PARVA: variants seen among roughly 807,000 people sequenced by gnomAD.
PARVA encodes the protein parvin alpha.
Under a neutral mutation model 52.6 loss-of-function variants are expected in PARVA, and 25 were observed. The observed-to-expected ratio is 0.48, with a 90% CI of 0.35 to 0.66. The LOEUF (loss-of-function observed/expected upper bound fraction) is 0.66. PARVA is among the 30% of genes least tolerant of loss of function. The pLI is 0.01. For missense variants in PARVA, 373 were observed against 450.9 expected (o/e 0.83, Z 1.56); for synonymous variants, 185 against 179.1 (o/e 1.03, Z -0.26).
Position 12,508,638 on chromosome 11 carries a change from A to C in PARVA, c.712A>C (p.Thr238Pro). 1 of 1,605,004 alleles carries C rather than the reference A, an allele frequency of 6.2e-7. No individual in the cohort carries two copies. The highest frequency in any genetic ancestry group is 8.5e-7 in the Non-Finnish European group (1 of 1,174,212). The change falls in exon 7 of 13, where the codon ACA becomes CCA. Residue 238 changes from threonine to proline, a missense_variant. Physicochemically the swap from Thr to Pro is conservative, Grantham distance 38. Transcript: ENST00000334956. Reference protein sequence around the residue: ...RQIQEEITGNTEALSGRHERD... With the variant: ...RQIQEEITGNPEALSGRHERD... ...AATCCAAGAGGAAATAACTGGTAAC[A>C]CAGAGTATGTCAACACCATTGTTGC...
In PARVA at chr11:12,518,746, G is replaced by T. The variant is rs78384353; in HGVS notation, c.1042+229G>T. 6.9e-3 allele frequency among the ~76,000 whole-genome samples: 1,057 copies of T among 152,314 alleles called. 17 individuals carry two copies. The highest frequency in any genetic ancestry group is 0.024 in the African/African-American group (982 of 41,572). On this transcript the variant is annotated intron_variant, in intron 12 of 12. Transcript: ENST00000334956. ...CACATGCCATGCGTGGGATCGCGGG[G>T]ATCAGGGACCGAGCAGAACTGCTGC... is the stretch of plus-strand genomic sequence containing the variant.
chr11:12,501,751 C>A (rs1941365804), intron 5 of PARVA, among the ~76,000 whole-genome samples: 1 of 152,134 alleles, frequency 6.6e-6, no homozygotes, highest in Non-Finnish European at 1.5e-5. Flanking sequence ...AGACTATAGA[C>A]TATTTCTTTC....
chr11:12,412,726 GA>G (rs150367747), intron 1 of PARVA, among the ~76,000 whole-genome samples: 7,296 of 152,248 alleles, frequency 0.048, 590 homozygotes, highest in African/African-American at 0.16. Context: ...TGAGAGCCAA[GA>G]AAATAATATT....
At chr11:12,418,737 T>G (rs1002316) in intron 1 of PARVA, among the ~76,000 whole-genome samples, 74,442 of 151,990 alleles carry the variant, frequency 0.49, 18,830 homozygotes, top group African/African-American at 0.61. Context: ...TGTCCTCATC[T>G]GTAAAATTTA....
intron 1 of PARVA, among the ~76,000 whole-genome samples, chr11:12,427,696 A>G (rs1023045563): frequency 2.0e-5 from 3 of 152,240 alleles, no homozygotes; most frequent in Admixed American, 6.5e-5. Context: ...GCAGGGTTGA[A>G]TAAGGTCAGA....
intron 1 of PARVA, among the ~76,000 whole-genome samples, chr11:12,458,474 A>G (rs1331815984): frequency 1.3e-5 from 2 of 152,352 alleles, no homozygotes; most frequent in African/African-American, 4.8e-5. Flanking sequence ...GCCTAGTGTC[A>G]TATATGAGGA....
At chr11:12,512,091 T>C (rs958197024) in intron 8 of PARVA, among the ~76,000 whole-genome samples, 2 of 152,170 alleles carry the variant, frequency 1.3e-5, no homozygotes, top group Non-Finnish European at 2.9e-5. Flanking sequence ...CCCACTGAAA[T>C]ATTTACTGTA....
intron 1 of PARVA, among the ~76,000 whole-genome samples, chr11:12,402,022 G>A (rs1346438083): frequency 2.0e-5 from 3 of 152,216 alleles, no homozygotes; most frequent in African/African-American, 7.2e-5. Flanking sequence ...AAAAATTCAT[G>A]TAAAGTGTTA....
intron 1 of PARVA, among the ~76,000 whole-genome samples, chr11:12,393,044 G>GAAAAA (rs60966710): frequency 6.1e-4 from 28 of 46,118 alleles, no homozygotes; most frequent in East Asian, 3.0e-3. Context: ...CCCAAATTGT[G>GAAAAA]AAAAAAAAAA....
intron 1 of PARVA, among the ~76,000 whole-genome samples, chr11:12,390,436 T>A (rs1390042792): frequency 6.6e-6 from 1 of 152,122 alleles, no homozygotes; most frequent in Non-Finnish European, 1.5e-5. Flanking sequence ...ATTCTTGGCA[T>A]CTCTTGAGTG....
At chr11:12,411,403 AC>A (rs1939991184) in intron 1 of PARVA, among the ~76,000 whole-genome samples, 1 of 152,212 alleles carries the variant, frequency 6.6e-6, no homozygotes, top group African/African-American at 2.4e-5. Flanking sequence ...TAATTAATGA[AC>A]CAATGTTAAT....
chr11:12,508,324 A>C (rs2135072268), intron 6 of PARVA, among the ~76,000 whole-genome samples: 1 of 152,288 alleles, frequency 6.6e-6, no homozygotes, highest in East Asian at 1.9e-4. Flanking sequence ...CATGTCTTCC[A>C]ATAAAGAAAG....
At chr11:12,452,016 A>G (rs916237262) in intron 1 of PARVA, among the ~76,000 whole-genome samples, 2 of 151,916 alleles carry the variant, frequency 1.3e-5, no homozygotes, top group African/African-American at 4.8e-5. Context: ...TCCTTTTCCA[A>G]AAGGGTGAAG....
intron 1 of PARVA, among the ~76,000 whole-genome samples, chr11:12,408,547 C>T (rs922971150): frequency 6.6e-5 from 10 of 152,154 alleles, no homozygotes; most frequent in African/African-American, 2.2e-4. Context: ...ATGGTTCCTT[C>T]GGAGGCTGGG....
intron 1 of PARVA, among the ~76,000 whole-genome samples, chr11:12,378,454 A>G (rs541794166): frequency 1.3e-5 from 2 of 152,272 alleles, no homozygotes; most frequent in East Asian, 3.9e-4. Context: ...ACTCCCACCA[A>G]AGGAGAAAAC....
chr11:12,406,685 T>TG, intron 1 of PARVA, among the ~76,000 whole-genome samples: 1 of 125,184 alleles, frequency 8.0e-6, no homozygotes, highest in Admixed American at 7.7e-5. Flanking sequence ...TTTTTTTTTT[T>TG]TTTGAGACGG....
chr11:12,511,443 C>A, intron 7 of PARVA, 71 bp from the exon 8 acceptor site: 2 of 1,531,262 alleles, frequency 1.3e-6, no homozygotes, highest in Non-Finnish European at 1.8e-6. Flanking sequence ...ATGGAGTGTC[C>A]TTTCAGAGGA....
chr11:12,484,567 T>C (rs969737825), intron 4 of PARVA, among the ~76,000 whole-genome samples: 2 of 149,792 alleles, frequency 1.3e-5, no homozygotes, highest in African/African-American at 2.5e-5. Context: ...TTTTCCCTGA[T>C]AGACCCTAAA....
intron 1 of PARVA, among the ~76,000 whole-genome samples, chr11:12,460,447 T>C (rs769439359): frequency 2.0e-5 from 3 of 152,174 alleles, no homozygotes; most frequent in Non-Finnish European, 2.9e-5. Flanking sequence ...CCAAGTGTTA[T>C]ATCGATGCAC....
Sources: allele counts gnomAD v4.1 joint callset (sites outside exome capture counted in the v4.1 genomes callset), GRCh38; gene constraint gnomAD v4.1.1; transcripts MANE v1.5; gene names NCBI Gene and HGNC (gene_info 2026-07-23, HGNC 2026-07-21).